Variants in ATG7 observed in about 807,000 individuals in gnomAD.
ATG7 encodes ubiquitin-like modifier-activating enzyme ATG7.
A neutral mutation model predicts 82.4 loss-of-function variants in ATG7; 70 were observed. The ratio of observed to expected loss-of-function variants is 0.85; its 90% CI spans 0.70 to 1.04. The LOEUF (loss-of-function observed/expected upper bound fraction) is 1.04, where lower values mean the gene tolerates loss of function less well. Among genes scored for constraint, ATG7 ranks in the 50% least tolerant of loss-of-function variants. The pLI is 0.00. For missense variants in ATG7, 792 were observed against 864.3 expected, an observed-to-expected ratio of 0.92 and a Z score of 1.05; for synonymous variants, 287 against 313.0, an observed-to-expected ratio of 0.92 and a Z score of 0.88.
chr3:11,550,847 A>G (rs1251070162), intron 20 of ATG7, among the ~76,000 whole-genome samples: 1 of 150,868 alleles, frequency 6.6e-6, no homozygotes, highest in Non-Finnish European at 1.5e-5. Flanking sequence ...TTTATTGCTT[A>G]TGGATTTGGG....
chr3:11,558,274 C>G, downstream of ATG7: 1 of 524,354 alleles, frequency 1.9e-6, no homozygotes, highest in Admixed American at 3.3e-5. Context: ...GGCAGCAGAC[C>G]TGCATCAGAG....
intron 19 of ATG7, among the ~76,000 whole-genome samples, chr3:11,405,913 C>T (rs947935142): frequency 6.6e-6 from 1 of 152,152 alleles, no homozygotes; most frequent in African/African-American, 2.4e-5. Context: ...TGCCTGTAAT[C>T]CCACTGCACC....
chr3:11,456,083 A>G (rs1170969578), intron 20 of ATG7, among the ~76,000 whole-genome samples: 1 of 152,152 alleles, frequency 6.6e-6, no homozygotes, highest in Non-Finnish European at 1.5e-5. Context: ...TCTGTTTAGA[A>G]TATTTCATCA....
intron 20 of ATG7, among the ~76,000 whole-genome samples, chr3:11,431,425 T>C (rs1357629134): frequency 6.6e-6 from 1 of 152,188 alleles, no homozygotes; most frequent in Admixed American, 6.5e-5. Context: ...ACACACCTTT[T>C]TAAAGTGTGC....
In ATG7 at chr3:11,445,068, T is replaced by C. The variant is rs182826116; in HGVS notation, c.2079+18142T>C. 4.3e-3 allele frequency among the ~76,000 whole-genome samples: 649 copies of C among 152,012 alleles called. 6 individuals carry two copies. The highest frequency in any genetic ancestry group is 6.8e-3 in the Middle Eastern group (2 of 294). On this transcript the variant is annotated intron_variant, in intron 20 of 20. Coordinates refer to ENST00000693202, the MANE Select transcript of ATG7 (RefSeq NM_001349232.2). ...AGTCAAACAATAGATGCTGGCGAGGTTGTGGTGAAAAAGGAACGCTTATAC... is the reference window on the plus strand; with the variant it reads ...AGTCAAACAATAGATGCTGGCGAGGCTGTGGTGAAAAAGGAACGCTTATAC...
downstream of ATG7, among the ~76,000 whole-genome samples, chr3:11,560,056 A>C: frequency 6.7e-6 from 1 of 149,654 alleles, no homozygotes; most frequent in Admixed American, 6.7e-5. Context: ...TCTCTCCTTC[A>C]CCCCCACCCC....
At chr3:11,361,059 C>T (rs1309498220) in intron 16 of ATG7, among the ~76,000 whole-genome samples, 1 of 152,072 alleles carries the variant, frequency 6.6e-6, no homozygotes, top group Non-Finnish European at 1.5e-5. Flanking sequence ...TCCCTGATAG[C>T]ACTCCGTATT....
At chr3:11,565,490 G>A in the ATG7 span, among the ~76,000 whole-genome samples, 521 of 152,200 alleles carry the variant, frequency 3.4e-3, 21 homozygotes, top group East Asian at 0.078. This position sits in a 1 kb window ranked among gnomAD's most constrained non-coding sequence, Gnocchi z 4.1. Context: ...TGCTCAGCCC[G>A]TCTTCCTAAC....
intron 20 of ATG7, among the ~76,000 whole-genome samples, chr3:11,533,430 A>G (rs576629973): frequency 3.3e-5 from 5 of 151,868 alleles, no homozygotes; most frequent in Admixed American, 1.3e-4. Flanking sequence ...GAGCAGGCCC[A>G]TACGTTAGCT....
intron 9 of ATG7, among the ~76,000 whole-genome samples, chr3:11,318,122 C>G (rs992744797): frequency 1.3e-5 from 2 of 152,196 alleles, no homozygotes; most frequent in African/African-American, 2.4e-5. Flanking sequence ...TCTCTGGGGT[C>G]TCCTCTGAAG....
chr3:11,569,241 G>A, the ATG7 span, among the ~76,000 whole-genome samples: 1 of 152,194 alleles, frequency 6.6e-6, no homozygotes, highest in African/African-American at 2.4e-5. Flanking sequence ...AGCCTGCGCT[G>A]GGCTTCATTC....
At chr3:11,571,965 G>A in the ATG7 span, among the ~76,000 whole-genome samples, 1 of 152,152 alleles carries the variant, frequency 6.6e-6, no homozygotes, top group Non-Finnish European at 1.5e-5. Context: ...AAATTATCTG[G>A]GCGTGGTGTC....
Position 11,315,302 on chromosome 3 carries a change from A to G in ATG7, c.529-42A>G, listed in dbSNP as rs771876103. The stretch of plus-strand genomic sequence containing the variant: ...GTTAGTTTTTAGCCCAGAACTAGAA[A>G]TGTAATTTTCTAGAGAATAACAACG... On this transcript the variant is annotated intron_variant, in intron 8 of 20. Transcript: ENST00000693202. 5 of 1,474,698 alleles carry G rather than the reference A, an allele frequency of 3.4e-6. No homozygotes were observed. The South Asian group carries it at 4.2e-5, about 13-fold the overall frequency. 91.4% of individuals were successfully genotyped at this position (1,474,698 alleles called of 1,614,324 possible). A position where few individuals can be genotyped will look rare whatever the true frequency, so the allele number is the denominator to read the frequency against.
chr3:11,470,004 A>AAAAG (rs58662680), intron 20 of ATG7, among the ~76,000 whole-genome samples: 1,451 of 137,506 alleles, frequency 0.011, 38 homozygotes, highest in African/African-American at 0.036. Flanking sequence ...AAAAAAAAAA[A>AAAAG]AAAAAGAGAG....
At chr3:11,449,553 T>C (rs2084907656) in intron 20 of ATG7, among the ~76,000 whole-genome samples, 1 of 152,170 alleles carries the variant, frequency 6.6e-6, no homozygotes, top group Admixed American at 6.5e-5. Flanking sequence ...TCATGTTCCA[T>C]ACAATGGAGT....
At chr3:11,316,707 G>A (rs2606756) in intron 9 of ATG7, among the ~76,000 whole-genome samples, 132,456 of 152,264 alleles carry the variant, frequency 0.87, 57,904 homozygotes, top group East Asian at 1. Context: ...ATTCTTTTGA[G>A]TGAATGAAAG....
chr3:11,558,597 G>A (rs1316791940), downstream of ATG7: 2 of 1,605,420 alleles, frequency 1.2e-6, no homozygotes, highest in African/African-American at 2.7e-5. Context: ...CTGACCATGT[G>A]GGCAGAGGGG....
chr3:11,394,465 G>A (rs775398349), intron 19 of ATG7, among the ~76,000 whole-genome samples: 15 of 152,202 alleles, frequency 9.9e-5, no homozygotes, highest in South Asian at 2.1e-4. Flanking sequence ...GAGCAAAGCC[G>A]TAGTATTAGG....
the ATG7 span, among the ~76,000 whole-genome samples, chr3:11,575,936 C>A: frequency 6.6e-6 from 1 of 152,224 alleles, no homozygotes; most frequent in Non-Finnish European, 1.5e-5. Flanking sequence ...GCCAGCAGCG[C>A]GGAGCCCGTC....
Sources: gnomAD v4.1 joint callset for allele counts (sites outside exome capture counted in the v4.1 genomes callset) on GRCh38, gnomAD v4.1.1 for gene constraint, Gnocchi (gnomAD v3.1) non-coding constraint, MANE v1.5 for transcripts, NCBI Gene and HGNC (gene_info 2026-07-23, HGNC 2026-07-21) for gene names.